Variants in MBD5 observed in about 807,000 individuals in gnomAD.
The protein encoded by MBD5 is methyl-CpG binding domain protein 5.
Under a neutral mutation model 117.3 loss-of-function variants are expected in MBD5, and 13 were observed. That is an observed-to-expected ratio of 0.11 (90% confidence interval 0.07 to 0.18). MBD5 has a LOEUF of 0.18. Among genes scored for constraint, MBD5 ranks in the 10% least tolerant of loss-of-function variants. MBD5 has a pLI of 1.00. For synonymous variants in MBD5, 727 were observed against 766.4 expected, an observed-to-expected ratio of 0.95 and a Z score of 0.85; for missense variants, 1,879 against 2,093.8, an observed-to-expected ratio of 0.90 and a Z score of 2.00.
At chr2:148,163,043 G>C (rs544117675) in intron 1 of MBD5, among the ~76,000 whole-genome samples, 1 of 152,226 alleles carries the variant, frequency 6.6e-6, no homozygotes, top group South Asian at 2.1e-4. Context: ...CATCTTATCT[G>C]TCTCAGCCTG....
chr2:148,299,308 A>G (rs1701727923), intron 3 of MBD5, among the ~76,000 whole-genome samples: 1 of 151,884 alleles, frequency 6.6e-6, no homozygotes, highest in Non-Finnish European at 1.5e-5. Flanking sequence ...TTGTATTTTT[A>G]GTAGAGACAG....
At chr2:148,067,931 T>C (rs1695248951) in intron 1 of MBD5, among the ~76,000 whole-genome samples, 1 of 152,270 alleles carries the variant, frequency 6.6e-6, no homozygotes, top group African/African-American at 2.4e-5. Context: ...ACTGTGTTAA[T>C]AGACAACATT....
At chr2:148,163,569 C>A (rs1440143738) in intron 1 of MBD5, among the ~76,000 whole-genome samples, 1 of 152,072 alleles carries the variant, frequency 6.6e-6, no homozygotes, top group East Asian at 1.9e-4. Context: ...GCATGTGACA[C>A]CACGCCTGGC....
intron 1 of MBD5, among the ~76,000 whole-genome samples, chr2:148,144,827 A>G (rs1343761453): frequency 1.3e-5 from 2 of 152,166 alleles, no homozygotes; most frequent in Non-Finnish European, 2.9e-5. Flanking sequence ...TGGTACCAGT[A>G]CCATGCTGTT....
Position 148,363,991 on chromosome 2 carries a change from G to T in MBD5, c.-557+21655G>T, listed in dbSNP as rs148586775. On this transcript the variant is annotated intron_variant, in intron 4 of 13. Transcript: ENST00000642680. ...CCAACATTCAAATTCAGGAAATACA[G>T]AGAACGCCACAAAGATACTCCTCAA... Among the ~76,000 whole-genome samples the T allele has an allele frequency of 8.1e-3, 1,236 of 152,186 alleles. 21 individuals are homozygous for T. Among genetic ancestry groups the T allele is most frequent in the African/African-American group, 0.029 (1,190 of 41,504 alleles).
At chr2:148,451,939 T>C (rs1009885079) in intron 4 of MBD5, among the ~76,000 whole-genome samples, 5 of 152,162 alleles carry the variant, frequency 3.3e-5, no homozygotes, top group Non-Finnish European at 5.9e-5. Flanking sequence ...CAATAATTAA[T>C]TGGGTGTTGA....
chr2:148,321,513 G>A (rs1383119043), intron 3 of MBD5, among the ~76,000 whole-genome samples: 1 of 152,094 alleles, frequency 6.6e-6, no homozygotes, highest in Non-Finnish European at 1.5e-5. Context: ...CCCTAGGTGT[G>A]CAGGTGTGGG....
chr2:148,166,386 A>G (rs1698125643), intron 1 of MBD5, among the ~76,000 whole-genome samples: 1 of 152,190 alleles, frequency 6.6e-6, no homozygotes, highest in Non-Finnish European at 1.5e-5. Flanking sequence ...CTCATCTGGT[A>G]AAAGATAGCT....
chr2:148,388,404 T>C (rs986015970), intron 4 of MBD5, among the ~76,000 whole-genome samples: 7 of 152,152 alleles, frequency 4.6e-5, no homozygotes, highest in Non-Finnish European at 8.8e-5. Flanking sequence ...AATGTTTTCC[T>C]GGAAAAATAA....
chr2:148,086,474 T>C (rs1695794789), intron 1 of MBD5, among the ~76,000 whole-genome samples: 2 of 152,224 alleles, frequency 1.3e-5, no homozygotes, highest in Non-Finnish European at 2.9e-5. Flanking sequence ...GGCATAATAT[T>C]AGTTCTATGG....
At chr2:148,148,212 G>C (rs370697377) in intron 1 of MBD5, among the ~76,000 whole-genome samples, 1 of 152,108 alleles carries the variant, frequency 6.6e-6, no homozygotes, top group Non-Finnish European at 1.5e-5. Context: ...CTGCCAGATA[G>C]GTCAAATGGT....
At chr2:148,186,558 AT>A (rs1314209210) in intron 2 of MBD5, among the ~76,000 whole-genome samples, 1 of 152,248 alleles carries the variant, frequency 6.6e-6, no homozygotes, top group Non-Finnish European at 1.5e-5. Context: ...GTAAAGAGAA[AT>A]TAAAACAGTC....
At chr2:148,032,997 T>C (rs373216010) in intron 1 of MBD5, among the ~76,000 whole-genome samples, 63 of 152,260 alleles carry the variant, frequency 4.1e-4, no homozygotes, top group Admixed American at 2.0e-4. Flanking sequence ...AAAGCCTTAC[T>C]TCAAGTGCAT....
intron 1 of MBD5, among the ~76,000 whole-genome samples, chr2:148,119,654 A>G (rs962031843): frequency 1.3e-5 from 2 of 152,110 alleles, no homozygotes; most frequent in East Asian, 3.9e-4. Context: ...ATAAAGGTAT[A>G]TGATCATTTT....
intron 4 of MBD5, among the ~76,000 whole-genome samples, chr2:148,371,341 T>A (rs550365110): frequency 1.4e-4 from 22 of 152,266 alleles, no homozygotes; most frequent in African/African-American, 5.1e-4. Flanking sequence ...GTTGACCTAC[T>A]TTTTTCCCCC....
intron 1 of MBD5, among the ~76,000 whole-genome samples, chr2:148,128,335 A>G (rs979412597): frequency 1.3e-5 from 2 of 152,228 alleles, no homozygotes; most frequent in African/African-American, 2.4e-5. Context: ...CTTTTTATGC[A>G]TATAATATAT....
In MBD5 at chr2:148,458,272, T is replaced by C. The variant is rs1285492811; in HGVS notation, c.-487T>C. On this transcript the variant is annotated 5_prime_UTR_variant, in exon 5 of 14. Coordinates refer to ENST00000642680, the MANE Select transcript of MBD5 (RefSeq NM_001378120.1). ...CAACCTGCAACACCTTGGATTCAGA[T>C]TGGAAGATAAAGAGAAAGTTTAAAG... The C allele has an allele frequency of 7.4e-6, 3 of 405,426 alleles. No individual in the cohort carries two copies. Among genetic ancestry groups the C allele is most frequent in the African/African-American group, 4.1e-5 (2 of 48,652 alleles). The allele number at this position is 405,426 out of a possible 1,614,324, so 25.1% of individuals were successfully genotyped here. A position where few individuals can be genotyped will look rare whatever the true frequency, so the allele number is the denominator to read the frequency against.
At chr2:148,344,850 A>G (rs1703046961) in intron 4 of MBD5, among the ~76,000 whole-genome samples, 1 of 151,936 alleles carries the variant, frequency 6.6e-6, no homozygotes, top group South Asian at 2.1e-4. Flanking sequence ...ATATATGGAA[A>G]CATGACTTAA....
chr2:148,418,475 C>T (rs1396573674), intron 4 of MBD5, among the ~76,000 whole-genome samples: 1 of 152,122 alleles, frequency 6.6e-6, no homozygotes, highest in Non-Finnish European at 1.5e-5. Flanking sequence ...CTAGAAAACA[C>T]TAAAGAGTCC....
Sources: allele counts gnomAD v4.1 joint callset (sites outside exome capture counted in the v4.1 genomes callset), GRCh38; gene constraint gnomAD v4.1.1; transcripts MANE v1.5; gene names NCBI Gene and HGNC (gene_info 2026-07-23, HGNC 2026-07-21).